Variants in ZC3H12B observed in about 807,000 individuals in gnomAD.
The protein encoded by ZC3H12B is probable ribonuclease ZC3H12B.
In ZC3H12B, 7 loss-of-function variants were observed where a neutral mutation model predicts 43.9. That is an observed-to-expected ratio of 0.16 (90% CI 0.09 to 0.30). ZC3H12B has a LOEUF of 0.30. ZC3H12B is among the 10% of genes least tolerant of loss of function. The pLI is 1.00. For synonymous variants in ZC3H12B, 222 were observed against 241.7 expected (o/e 0.92, Z 0.76); for missense variants, 475 against 670.2 (o/e 0.71, Z 3.22).
At chrX:65,138,951 C>G in the ZC3H12B span, among the ~76,000 whole-genome samples, 1 of 111,683 alleles carries the variant, frequency 9.0e-6, no homozygotes, top group Middle Eastern at 4.2e-3. Flanking sequence ...TTTGTTTTAC[C>G]ATTGAGTAGT....
At chrX:65,462,369 G>A (rs371868232) in intron 3 of ZC3H12B, among the ~76,000 whole-genome samples, 1 of 110,587 alleles carries the variant, frequency 9.0e-6, no homozygotes, top group African/African-American at 3.3e-5. Context: ...AAACTTAGCC[G>A]GGCGTAGCGA....
chrX:65,158,367 G>A, the ZC3H12B span, among the ~76,000 whole-genome samples: 4 of 111,428 alleles, frequency 3.6e-5, no homozygotes, highest in Non-Finnish European at 7.5e-5. Context: ...CACAATGGTT[G>A]AACTAGTTTA....
At chrX:65,263,185 T>G in the ZC3H12B span, among the ~76,000 whole-genome samples, 1,556 of 111,547 alleles carry the variant, frequency 0.014, 12 homozygotes, top group Non-Finnish European at 0.018. Flanking sequence ...AGATAATCAC[T>G]TGATAAATAG....
At chrX:65,150,996 A>T in the ZC3H12B span, among the ~76,000 whole-genome samples, 1 of 112,063 alleles carries the variant, frequency 8.9e-6, no homozygotes, top group Admixed American at 9.5e-5. Context: ...GAATTGAAAA[A>T]TAACATGTAT....
the ZC3H12B span, among the ~76,000 whole-genome samples, chrX:65,161,823 T>A: frequency 2.7e-5 from 3 of 111,915 alleles, no homozygotes; most frequent in South Asian, 3.7e-4. Flanking sequence ...AGTTAGCTGG[T>A]TATTTTGCTC....
chrX:65,139,796 T>A, the ZC3H12B span, among the ~76,000 whole-genome samples: 1 of 111,715 alleles, frequency 9.0e-6, no homozygotes. Context: ...ATAGAGGTAT[T>A]TGACCTTCTT....
At chrX:65,453,710 C>A (rs1453376820) in intron 3 of ZC3H12B, among the ~76,000 whole-genome samples, 1 of 108,884 alleles carries the variant, frequency 9.2e-6, no homozygotes, top group Non-Finnish European at 1.9e-5. Context: ...GCCTAGGTGA[C>A]AGAGTGAGAC....
the ZC3H12B span, among the ~76,000 whole-genome samples, chrX:65,053,988 A>T: frequency 9.9e-6 from 1 of 100,883 alleles, no homozygotes; most frequent in Non-Finnish European, 2.1e-5. Flanking sequence ...ATTTGAGTTC[A>T]TTGTAGATTC....
exon 5 of ZC3H12B, chrX:65,507,739 T>G (rs2068439923): frequency 8.9e-6 from 1 of 112,209 alleles, no homozygotes; most frequent in Non-Finnish European, 1.9e-5. Flanking sequence ...GTGCATTGCT[T>G]TGTAATATGC....
the ZC3H12B span, among the ~76,000 whole-genome samples, chrX:65,132,608 T>G: frequency 1.8e-5 from 2 of 110,575 alleles, no homozygotes; most frequent in African/African-American, 3.3e-5. Flanking sequence ...ATAATTTAGT[T>G]AAAATGTCTC....
chrX:65,221,714 C>CA, the ZC3H12B span, among the ~76,000 whole-genome samples: 258 of 108,446 alleles, frequency 2.4e-3, no homozygotes, highest in African/African-American at 4.2e-3. Context: ...AAATTACCAA[C>CA]AAAAAAAAAT....
chrX:65,406,101 C>T (rs2066817653), intron 3 of ZC3H12B, among the ~76,000 whole-genome samples: 1 of 111,128 alleles, frequency 9.0e-6, no homozygotes, highest in East Asian at 2.8e-4. Flanking sequence ...AAAACTATTG[C>T]GAAAAATAGA....
chrX:65,136,763 C>T, the ZC3H12B span, among the ~76,000 whole-genome samples: 1 of 111,272 alleles, frequency 9.0e-6, no homozygotes, highest in Admixed American at 9.6e-5. Context: ...AGTTAGGCTG[C>T]CTTATTTTCT....
At chrX:65,353,525 T>C in the ZC3H12B span, among the ~76,000 whole-genome samples, 1 of 111,875 alleles carries the variant, frequency 8.9e-6, no homozygotes, top group Non-Finnish European at 1.9e-5. Flanking sequence ...TTCAGCCAAG[T>C]TGTGAATGCA....
At chrX:65,073,725 G>A in the ZC3H12B span, among the ~76,000 whole-genome samples, 3 of 111,895 alleles carry the variant, frequency 2.7e-5, no homozygotes, top group Admixed American at 9.4e-5. Flanking sequence ...AAGTGTCCGT[G>A]GTGGGAGAGG....
the ZC3H12B span, among the ~76,000 whole-genome samples, chrX:65,325,424 A>T: frequency 4.5e-5 from 5 of 111,941 alleles, no homozygotes; most frequent in African/African-American, 1.6e-4. Flanking sequence ...ATCAAGAAAC[A>T]AAAATCAATA....
At chrX:65,306,046 A>G in the ZC3H12B span, among the ~76,000 whole-genome samples, 58 of 112,301 alleles carry the variant, frequency 5.2e-4, no homozygotes, top group Non-Finnish European at 8.6e-4. Flanking sequence ...GCCAAGCAAT[A>G]TAAGAACTCA....
intron 3 of ZC3H12B, among the ~76,000 whole-genome samples, chrX:65,428,958 T>C (rs542659109): frequency 1.8e-5 from 2 of 112,583 alleles, no homozygotes; most frequent in African/African-American, 6.4e-5. Flanking sequence ...GCTGTTGTTG[T>C]TGTTATTTTC....
the ZC3H12B span, among the ~76,000 whole-genome samples, chrX:65,067,469 C>A: frequency 9.0e-6 from 1 of 110,723 alleles, no homozygotes; most frequent in Admixed American, 9.6e-5. Context: ...CTGTGGGCTG[C>A]ACCCACTGTC....
Sources: allele counts gnomAD v4.1 joint callset (sites outside exome capture counted in the v4.1 genomes callset), GRCh38; gene constraint gnomAD v4.1.1; transcripts MANE v1.5; gene names NCBI Gene and HGNC (gene_info 2026-07-23, HGNC 2026-07-21).